The following ACOXL variants were observed in gnomAD, a reference collection of about 807,000 sequenced individuals.
ACOXL encodes the protein acyl-coenzyme A oxidase-like protein.
A neutral mutation model predicts 71.9 loss-of-function variants in ACOXL; 70 were observed. That is an observed-to-expected ratio of 0.97 (90% CI 0.80 to 1.19). The LOEUF (loss-of-function observed/expected upper bound fraction) is 1.19, where lower values mean the gene tolerates loss of function less well. Ranked by LOEUF, ACOXL falls within the 50% of genes most tolerant of loss-of-function variation. The pLI, the probability that ACOXL is intolerant of heterozygous loss-of-function variation, is 0.00. For synonymous variants in ACOXL, 253 were observed against 281.6 expected (o/e 0.90, Z 1.02); for missense variants, 703 against 736.3 (o/e 0.95, Z 0.52).
intron 12 of ACOXL, among the ~76,000 whole-genome samples, chr2:110,959,711 G>T (rs1051688767): frequency 6.6e-6 from 1 of 152,184 alleles, no homozygotes; most frequent in Admixed American, 6.5e-5. Context: ...GAGGGATGCT[G>T]GGACACTCCC....
chr2:110,986,511 G>A (rs1233488975), intron 12 of ACOXL, among the ~76,000 whole-genome samples: 1 of 152,194 alleles, frequency 6.6e-6, no homozygotes, highest in Non-Finnish European at 1.5e-5. Context: ...AGGCACGCTG[G>A]TCCAAGGTGG....
chr2:110,745,575 C>T (rs146391681), intron 1 of ACOXL, among the ~76,000 whole-genome samples: 70 of 152,304 alleles, frequency 4.6e-4, no homozygotes, highest in Non-Finnish European at 7.8e-4. Context: ...GAAGAGAGCC[C>T]GGGAAGCCAC....
chr2:111,023,138 C>T (rs186602859), intron 14 of ACOXL, among the ~76,000 whole-genome samples: 5 of 152,296 alleles, frequency 3.3e-5, no homozygotes, highest in African/African-American at 9.6e-5. Flanking sequence ...GGCTCCGAGA[C>T]GTCCTTCTGT....
At chr2:111,108,579 A>G (rs2069719054) in intron 17 of ACOXL, among the ~76,000 whole-genome samples, 1 of 152,008 alleles carries the variant, frequency 6.6e-6, no homozygotes, top group Admixed American at 6.6e-5. Context: ...GGGTTTCTCC[A>G]TATTGGTCAG....
chr2:110,906,387 A>T (rs1055288529), intron 10 of ACOXL, among the ~76,000 whole-genome samples: 4 of 151,744 alleles, frequency 2.6e-5, no homozygotes, highest in African/African-American at 9.7e-5. Context: ...AAAATGCAAA[A>T]AATTAGCTGG....
intron 16 of ACOXL, among the ~76,000 whole-genome samples, chr2:111,065,774 A>T (rs1257389130): frequency 6.6e-6 from 1 of 152,256 alleles, no homozygotes; most frequent in Non-Finnish European, 1.5e-5. Flanking sequence ...CAACATCATT[A>T]ACCATTAAGG....
intron 14 of ACOXL, among the ~76,000 whole-genome samples, chr2:111,021,395 A>G (rs80170019): frequency 3.0e-4 from 45 of 152,106 alleles, no homozygotes; most frequent in African/African-American, 9.9e-4. Flanking sequence ...CCTTTTTCTC[A>G]TATGTAGCAG....
At chr2:110,813,807 G>T (rs1023875487) in intron 9 of ACOXL, among the ~76,000 whole-genome samples, 2 of 152,072 alleles carry the variant, frequency 1.3e-5, no homozygotes, top group Middle Eastern at 3.2e-3. Context: ...TCCTGATCAG[G>T]GACAATTTTC....
chr2:110,750,667 G>T (rs984047416), intron 1 of ACOXL, among the ~76,000 whole-genome samples: 1 of 149,194 alleles, frequency 6.7e-6, no homozygotes, highest in Non-Finnish European at 1.5e-5. Flanking sequence ...GTGTGTATGT[G>T]TATGGGTGTG....
At chr2:110,946,006 G>A (rs1187969189) in intron 12 of ACOXL, among the ~76,000 whole-genome samples, 4 of 152,072 alleles carry the variant, frequency 2.6e-5, no homozygotes, top group Non-Finnish European at 5.9e-5. Flanking sequence ...AATTGTTTGT[G>A]TCATCTCTGA....
At chr2:110,963,271 G>A (rs1398117071) in intron 12 of ACOXL, among the ~76,000 whole-genome samples, 1 of 151,846 alleles carries the variant, frequency 6.6e-6, no homozygotes, top group Non-Finnish European at 1.5e-5. Flanking sequence ...ATATGGTGAG[G>A]TATAATCACT....
intron 10 of ACOXL, among the ~76,000 whole-genome samples, chr2:110,861,877 C>T (rs760801650): frequency 4.6e-5 from 7 of 152,304 alleles, no homozygotes; most frequent in Middle Eastern, 6.8e-3. Flanking sequence ...AGCCTCTGAA[C>T]GGCTCCGGGT....
chr2:110,890,225 A>G (rs947807132), intron 10 of ACOXL, among the ~76,000 whole-genome samples: 1 of 152,140 alleles, frequency 6.6e-6, no homozygotes, highest in African/African-American at 2.4e-5. Context: ...GAGAGATATG[A>G]TTTGCAAATA....
At chr2:110,898,593 C>T (rs1021001725) in intron 10 of ACOXL, among the ~76,000 whole-genome samples, 7 of 152,192 alleles carry the variant, frequency 4.6e-5, no homozygotes, top group African/African-American at 1.7e-4. Flanking sequence ...ACATCCTCAA[C>T]TGAATAAAGA....
chr2:110,927,310 T>A (rs1028791095), intron 11 of ACOXL, among the ~76,000 whole-genome samples: 7 of 152,092 alleles, frequency 4.6e-5, no homozygotes, highest in African/African-American at 1.7e-4. Context: ...AAGATGAGAT[T>A]TGGGTGGGGA....
chr2:111,107,280 A>C (rs1219191929), intron 17 of ACOXL, among the ~76,000 whole-genome samples: 1 of 152,172 alleles, frequency 6.6e-6, no homozygotes, highest in Non-Finnish European at 1.5e-5. Flanking sequence ...CAAGGAATTC[A>C]CCACTGTGTC....
chr2:110,900,828 T>C (rs2059205141), intron 10 of ACOXL, among the ~76,000 whole-genome samples: 1 of 152,190 alleles, frequency 6.6e-6, no homozygotes, highest in African/African-American at 2.4e-5. Context: ...TTGGCCAATA[T>C]CAGATCCAGG....
chr2:111,117,762 G>GC lies in ACOXL; in HGVS notation c.1690dup (p.Arg564ProfsTer77). On this transcript the variant is annotated frameshift_variant, in exon 18 of 18. Transcript: ENST00000439055. LOFTEE classifies it low-confidence loss of function (END_TRUNC). Reference sequence around the variant, plus strand: ...CTTTCTACCCTGCACCGCTGCAGCCGCGGCCACGGGAAGAGGCGCGCTCCC... The same window carrying GC: ...CTTTCTACCCTGCACCGCTGCAGCCGCCGGCCACGGGAAGAGGCGCGCTCCC... 2 of 1,551,342 alleles carry GC rather than the reference G, an allele frequency of 1.3e-6. No homozygotes were observed. The highest frequency in any genetic ancestry group is 2.4e-5 in the East Asian group (1 of 40,912).
chr2:110,960,922 G>C (rs3827546), intron 12 of ACOXL, among the ~76,000 whole-genome samples: 19,858 of 152,180 alleles, frequency 0.13, 1,454 homozygotes, highest in East Asian at 0.27. Context: ...TCTGTAAGCC[G>C]CATAGACGTT....
Sources: allele counts gnomAD v4.1 joint callset (sites outside exome capture counted in the v4.1 genomes callset), GRCh38; gene constraint gnomAD v4.1.1; transcripts MANE v1.5; gene names NCBI Gene and HGNC (gene_info 2026-07-23, HGNC 2026-07-21).